SH2D4A: variants seen among roughly 807,000 people sequenced by gnomAD.
SH2D4A encodes the protein SH2 domain containing 4A, also known as SH2 domain-containing protein 4A.
A neutral mutation model predicts 64.7 loss-of-function variants in SH2D4A; 70 were observed. The ratio of observed to expected loss-of-function variants is 1.08; its 90% CI spans 0.89 to 1.32. The LOEUF is 1.32. Ranked by LOEUF, SH2D4A falls within the 40% of genes most tolerant of loss-of-function variation. The pLI is 0.00. For missense variants in SH2D4A, 706 were observed against 540.1 expected (o/e 1.31, Z -3.04); for synonymous variants, 268 against 200.7 (o/e 1.34, Z -2.83).
chr8:19,342,134 A>G (rs563729676), intron 4 of SH2D4A, among the ~76,000 whole-genome samples: 1 of 152,330 alleles, frequency 6.6e-6, no homozygotes, highest in Non-Finnish European at 1.5e-5. Flanking sequence ...AATAATGGAA[A>G]AATATCAGGG....
At chr8:19,348,573 A>T (rs1339190568) in intron 4 of SH2D4A, among the ~76,000 whole-genome samples, 2 of 152,136 alleles carry the variant, frequency 1.3e-5, no homozygotes, top group African/African-American at 4.8e-5. Context: ...GTAAAACTGG[A>T]CTTCAGTGGT....
chr8:19,349,237 G>A (rs574308333), intron 4 of SH2D4A, among the ~76,000 whole-genome samples: 5 of 152,244 alleles, frequency 3.3e-5, no homozygotes, highest in African/African-American at 1.2e-4. Flanking sequence ...CCTAATCAGA[G>A]GGCTACACAA....
At chr8:19,314,130 C>G (rs924673115) in intron 1 of SH2D4A, 2 of 1,114,512 alleles carry the variant, frequency 1.8e-6, no homozygotes, top group African/African-American at 1.6e-5. Context: ...GGCGGGGGAA[C>G]TTCGAGGGAG....
intron 8 of SH2D4A, chr8:19,375,501 T>G (rs1320779946): frequency 6.6e-6 from 1 of 152,180 alleles, no homozygotes; most frequent in African/African-American, 2.4e-5. Context: ...TCTTTTTCTC[T>G]CAATTAAGCT....
chr8:19,366,786 T>C (rs1018892479), intron 7 of SH2D4A, among the ~76,000 whole-genome samples: 1 of 152,286 alleles, frequency 6.6e-6, no homozygotes, highest in African/African-American at 2.4e-5. Context: ...AGTGAGACTC[T>C]GTCTCAACAA....
chr8:19,373,346 G>GTGTATATATA (rs1554485235), intron 7 of SH2D4A, among the ~76,000 whole-genome samples, 184 bp from the exon 8 acceptor site: 2 of 146,210 alleles, frequency 1.4e-5, no homozygotes, highest in South Asian at 4.3e-4. Flanking sequence ...ACACACATGT[G>GTGTATATATA]TATATATATA....
intron 8 of SH2D4A, among the ~76,000 whole-genome samples, chr8:19,387,677 C>T (rs971139422): frequency 6.6e-6 from 1 of 152,164 alleles, no homozygotes; most frequent in Non-Finnish European, 1.5e-5. Flanking sequence ...AGAGCATGTC[C>T]CTGGGGCCAC....
chr8:19,351,822 C>T (rs1319194567), intron 4 of SH2D4A, among the ~76,000 whole-genome samples: 3 of 152,050 alleles, frequency 2.0e-5, no homozygotes, highest in South Asian at 2.1e-4. Context: ...CTTGCTCTGT[C>T]GCCCAGGCTG....
intron 1 of SH2D4A, 199 bp downstream of exon 1, chr8:19,314,022 C>A (rs975265656): frequency 8.8e-7 from 1 of 1,134,118 alleles, no homozygotes; most frequent in Non-Finnish European, 1.1e-6. Context: ...GCGAGAGCGG[C>A]CGCGGCGGGT....
At chr8:19,378,550 C>T (rs575700332) in intron 8 of SH2D4A, among the ~76,000 whole-genome samples, 2 of 152,212 alleles carry the variant, frequency 1.3e-5, no homozygotes, top group African/African-American at 2.4e-5. Context: ...ATTCTCCTGC[C>T]TCAGCCTCCT....
intron 5 of SH2D4A, among the ~76,000 whole-genome samples, chr8:19,359,960 G>T (rs1158041838): frequency 3.9e-5 from 6 of 152,204 alleles, no homozygotes. Context: ...GGCCATTTCA[G>T]TTTGTTTTAT....
At chr8:19,367,275 G>A (rs1026260492) in intron 7 of SH2D4A, among the ~76,000 whole-genome samples, 2 of 151,922 alleles carry the variant, frequency 1.3e-5, no homozygotes, top group African/African-American at 4.8e-5. Flanking sequence ...CCCAGTAGTG[G>A]GATTGTTGGA....
At chr8:19,385,597 T>C (rs1289991617) in intron 8 of SH2D4A, among the ~76,000 whole-genome samples, 4 of 152,184 alleles carry the variant, frequency 2.6e-5, no homozygotes, top group Admixed American at 1.3e-4. Context: ...TCTGGAATTG[T>C]TGTTCCCTAG....
intron 2 of SH2D4A, among the ~76,000 whole-genome samples, chr8:19,331,874 A>G (rs1290347726): frequency 6.6e-6 from 1 of 152,194 alleles, no homozygotes; most frequent in African/African-American, 2.4e-5. Context: ...TGACAGGGCT[A>G]GGATTTGAAC....
chr8:19,331,431 A>T (rs1209932591), intron 2 of SH2D4A, among the ~76,000 whole-genome samples: 1 of 152,204 alleles, frequency 6.6e-6, no homozygotes, highest in Non-Finnish European at 1.5e-5. Context: ...TGCCCTGGGT[A>T]GGCCTGACAG....
intron 2 of SH2D4A, among the ~76,000 whole-genome samples, chr8:19,325,924 G>A (rs1024001104): frequency 9.8e-5 from 15 of 152,296 alleles, no homozygotes; most frequent in African/African-American, 2.6e-4. Context: ...TAGACCTAGC[G>A]TTTTCATCAC....
intron 2 of SH2D4A, among the ~76,000 whole-genome samples, chr8:19,326,714 C>G (rs546854629): frequency 6.6e-5 from 10 of 152,040 alleles, no homozygotes; most frequent in Non-Finnish European, 4.4e-5. Flanking sequence ...CCTCTCCCCC[C>G]TCTCGCACAC....
chr8:19,325,931 T>C (rs1377844945), intron 2 of SH2D4A, among the ~76,000 whole-genome samples: 1 of 152,208 alleles, frequency 6.6e-6, no homozygotes, highest in Non-Finnish European at 1.5e-5. Context: ...AGCGTTTTCA[T>C]CACCCTGCCG....
At chr8:19,391,085 T>A (rs2053485107) in intron 8 of SH2D4A, among the ~76,000 whole-genome samples, 1 of 152,142 alleles carries the variant, frequency 6.6e-6, no homozygotes, top group African/African-American at 2.4e-5. Context: ...GCTCCTTGTT[T>A]CTGAAGGGGA....
Sources: allele counts gnomAD v4.1 joint callset (sites outside exome capture counted in the v4.1 genomes callset), GRCh38; gene constraint gnomAD v4.1.1; transcripts MANE v1.5; gene names NCBI Gene and HGNC (gene_info 2026-07-23, HGNC 2026-07-21).